Variants in GRIA2 observed in about 807,000 individuals in gnomAD.
The protein encoded by GRIA2 is glutamate ionotropic receptor AMPA type subunit 2, also known as glutamate receptor 2.
In GRIA2, 14 loss-of-function variants were observed where a neutral mutation model predicts 97.3. The ratio of observed to expected loss-of-function variants is 0.14; its 90% CI spans 0.10 to 0.23. The LOEUF (loss-of-function observed/expected upper bound fraction) is 0.23. GRIA2 is among the 10% of genes least tolerant of loss of function. The pLI is 1.00. For missense variants in GRIA2, 558 were observed against 1,069.8 expected (o/e 0.52, Z 6.67); for synonymous variants, 412 against 387.8 (o/e 1.06, Z -0.73).
At chr4:157,308,358 G>A (rs1366261248) in intron 3 of GRIA2, among the ~76,000 whole-genome samples, 1 of 152,178 alleles carries the variant, frequency 6.6e-6, no homozygotes, top group African/African-American at 2.4e-5. Flanking sequence ...TTAACATTAT[G>A]TAATCTAGCC....
intron 3 of GRIA2, among the ~76,000 whole-genome samples, chr4:157,304,668 CT>C (rs1733761051): frequency 6.6e-6 from 1 of 152,068 alleles, no homozygotes; most frequent in Non-Finnish European, 1.5e-5. Flanking sequence ...GTCCTAGTAC[CT>C]AAGTACCATA....
rs113195711 is a variant in GRIA2, at chr4:157,312,725, A to G, written c.516A>G (p.Lys172=). 4 of 1,611,764 alleles carry G rather than the reference A, an allele frequency of 2.5e-6. No homozygotes were observed. Among genetic ancestry groups the G allele is most frequent in the African/African-American group, 2.7e-5 (2 of 74,942 alleles). Residue 172 remains lysine (K), a synonymous_variant, in exon 4 of 16, where the codon AAA becomes AAG. Coordinates refer to ENST00000264426, the MANE Select transcript of GRIA2 (RefSeq NM_001083619.3). ...QAVLDSAAEK[K]WQVTAINVGN... Reference sequence around the variant, plus strand: ...TGCTGGATTCTGCTGCTGAAAAGAAATGGCAAGTGACTGCTATCAATGTGG... The same window carrying G: ...TGCTGGATTCTGCTGCTGAAAAGAAGTGGCAAGTGACTGCTATCAATGTGG...
At chr4:157,251,587 G>A (rs887586178) in intron 2 of GRIA2, among the ~76,000 whole-genome samples, 8 of 151,838 alleles carry the variant, frequency 5.3e-5, no homozygotes, top group Non-Finnish European at 7.4e-5. Flanking sequence ...TGGTAGTGAC[G>A]GCTTGCTGAT....
intron 2 of GRIA2, among the ~76,000 whole-genome samples, chr4:157,258,182 A>T (rs897567231): frequency 6.6e-6 from 1 of 152,138 alleles, no homozygotes; most frequent in African/African-American, 2.4e-5. Flanking sequence ...AGCAATGTTC[A>T]GGGAACAAGG....
intron 2 of GRIA2, among the ~76,000 whole-genome samples, chr4:157,250,220 A>C (rs1730961377): frequency 6.6e-6 from 1 of 152,136 alleles, no homozygotes; most frequent in Non-Finnish European, 1.5e-5. Flanking sequence ...TGCTTCATGG[A>C]AAGTAAGAGT....
chr4:157,248,613 A>ACC (rs1491178314), intron 2 of GRIA2, among the ~76,000 whole-genome samples: 1 of 67,462 alleles, frequency 1.5e-5, no homozygotes, highest in Non-Finnish European at 3.0e-5. Flanking sequence ...GTATATATAC[A>ACC]TGTATATATA....
intron 13 of GRIA2, chr4:157,360,752 G>T (rs747974945): frequency 5.9e-5 from 32 of 538,310 alleles, no homozygotes; most frequent in Non-Finnish European, 1.0e-4. Flanking sequence ...TTGTGGATGT[G>T]AGTACATTGC....
chr4:157,362,684 T>G (rs1736685872), intron 14 of GRIA2, 115 bp from the exon 15 acceptor site: 1 of 852,474 alleles, frequency 1.2e-6, no homozygotes, highest in Non-Finnish European at 1.9e-6. Flanking sequence ...TTTCTCAAAT[T>G]CAAATGCATT....
intron 2 of GRIA2, among the ~76,000 whole-genome samples, chr4:157,231,011 G>T (rs973835923): frequency 6.6e-6 from 1 of 151,762 alleles, no homozygotes; most frequent in Non-Finnish European, 1.5e-5. Context: ...ATGCCATCAC[G>T]CTGAGCTAAT....
chr4:157,365,048 T>C lies in GRIA2; in HGVS notation c.*1617T>C, dbSNP rs1035307159. The C allele has an allele frequency of 2.6e-5, 4 of 151,754 alleles. No individual in the cohort carries two copies. Among genetic ancestry groups the C allele is most frequent in the Non-Finnish European group, 5.9e-5 (4 of 67,744 alleles). 9.4% of individuals were successfully genotyped at this position (151,754 alleles called of 1,614,324 possible). On this transcript the variant is annotated 3_prime_UTR_variant, in exon 16 of 16. Coordinates refer to ENST00000264426, the MANE Select transcript of GRIA2 (RefSeq NM_001083619.3). ...GATTATTGACATCCAATAGTTATTTTTAATATTTGTATTCTTGTTATTTCT... is the reference window on the plus strand; with the variant it reads ...GATTATTGACATCCAATAGTTATTTCTAATATTTGTATTCTTGTTATTTCT...
chr4:157,321,032 T>C (rs1021569144), intron 5 of GRIA2, among the ~76,000 whole-genome samples: 1 of 152,282 alleles, frequency 6.6e-6, no homozygotes, highest in South Asian at 2.1e-4. Context: ...CAGGAGTAAC[T>C]TGCTCACAAG....
chr4:157,259,910 C>T (rs1731451441), intron 2 of GRIA2, among the ~76,000 whole-genome samples: 1 of 151,982 alleles, frequency 6.6e-6, no homozygotes, highest in South Asian at 2.1e-4. Context: ...TTTTTTATGC[C>T]TCCTCCTTGC....
chr4:157,272,404 T>A (rs1385381504), intron 2 of GRIA2, among the ~76,000 whole-genome samples: 1 of 151,942 alleles, frequency 6.6e-6, no homozygotes, highest in African/African-American at 2.4e-5. Flanking sequence ...CATCAGAGAA[T>A]CCCAACCAAC....
chr4:157,259,369 T>A (rs1037687518), intron 2 of GRIA2, among the ~76,000 whole-genome samples: 1 of 152,136 alleles, frequency 6.6e-6, no homozygotes, highest in African/African-American at 2.4e-5. Flanking sequence ...GAAGCTCCCT[T>A]GAACAAATCA....
At chr4:157,259,529 T>A (rs183270941) in intron 2 of GRIA2, among the ~76,000 whole-genome samples, 6 of 152,240 alleles carry the variant, frequency 3.9e-5, no homozygotes, top group Admixed American at 3.3e-4. Context: ...TGTTCACAGA[T>A]GATATGAACT....
chr4:157,262,588 C>T (rs530840479), intron 2 of GRIA2, among the ~76,000 whole-genome samples: 100 of 152,124 alleles, frequency 6.6e-4, no homozygotes, highest in Non-Finnish European at 1.2e-3. Context: ...GTCTAGCTTT[C>T]CTCTAAGCCT....
intron 11 of GRIA2, among the ~76,000 whole-genome samples, chr4:157,340,590 C>A (rs1250317872): frequency 6.6e-6 from 1 of 151,388 alleles, no homozygotes; most frequent in Non-Finnish European, 1.5e-5. Context: ...TTTTTTTGAG[C>A]AGGACACATA....
intron 2 of GRIA2, among the ~76,000 whole-genome samples, chr4:157,302,065 C>T (rs887410995): frequency 1.3e-5 from 2 of 151,292 alleles, no homozygotes; most frequent in Non-Finnish European, 2.9e-5. Context: ...CCCAGCTACT[C>T]GAGAGGCTGA....
intron 2 of GRIA2, among the ~76,000 whole-genome samples, chr4:157,263,132 A>G (rs1731620782): frequency 1.3e-5 from 2 of 152,094 alleles, no homozygotes; most frequent in Admixed American, 1.3e-4. Context: ...ATTTCCTTTG[A>G]GTGGAGAAGC....
Sources: allele counts gnomAD v4.1 joint callset (sites outside exome capture counted in the v4.1 genomes callset), GRCh38; gene constraint gnomAD v4.1.1; transcripts MANE v1.5; gene names NCBI Gene and HGNC (gene_info 2026-07-23, HGNC 2026-07-21).